The following TBC1D32 variants were observed in gnomAD, a reference collection of about 807,000 sequenced individuals.
The protein encoded by TBC1D32 is protein broad-minded.
In TBC1D32, 151 loss-of-function variants were observed where a neutral mutation model predicts 170.3. That is an observed-to-expected ratio of 0.89 (90% confidence interval 0.78 to 1.01). TBC1D32 has a LOEUF of 1.01. Ranked by LOEUF, TBC1D32 falls within the 50% of genes least tolerant of loss-of-function variation. The probability of loss-of-function intolerance (pLI) is 0.00; values close to 1 mark genes in which losing one functional copy is unlikely to be tolerated. For synonymous variants in TBC1D32, 498 were observed against 488.0 expected (o/e 1.02, Z -0.27); for missense variants, 1,464 against 1,457.1 (o/e 1.00, Z -0.08).
intron 15 of TBC1D32, among the ~76,000 whole-genome samples, chr6:121,258,896 T>C (rs992849807): frequency 2.0e-4 from 30 of 152,142 alleles, no homozygotes; most frequent in African/African-American, 7.0e-4. Flanking sequence ...TACTTTTAAC[T>C]GGACCATGAA....
At chr6:121,272,337 A>T (rs1801569190) in intron 15 of TBC1D32, among the ~76,000 whole-genome samples, 1 of 152,192 alleles carries the variant, frequency 6.6e-6, no homozygotes, top group South Asian at 2.1e-4. Context: ...AGAAAGGGAG[A>T]AACTTTTTAC....
At chr6:121,317,247 T>A (rs1809062031) in intron 3 of TBC1D32, among the ~76,000 whole-genome samples, 1 of 152,148 alleles carries the variant, frequency 6.6e-6, no homozygotes, top group African/African-American at 2.4e-5. Context: ...TTATTTTTTT[T>A]AATTCTAACA....
intron 21 of TBC1D32, among the ~76,000 whole-genome samples, chr6:121,209,306 T>C (rs899308471): frequency 1.3e-5 from 2 of 152,178 alleles, no homozygotes; most frequent in Admixed American, 6.5e-5. Context: ...TCCTGCCTTA[T>C]TGATTAGTGT....
intron 31 of TBC1D32, among the ~76,000 whole-genome samples, chr6:121,087,927 T>A (rs1235117678): frequency 6.6e-6 from 1 of 151,266 alleles, no homozygotes; most frequent in Non-Finnish European, 1.5e-5. Context: ...TTATTATGGC[T>A]GTGGTATGCA....
chr6:121,303,249 A>G (rs1806747379), intron 9 of TBC1D32, among the ~76,000 whole-genome samples: 1 of 152,222 alleles, frequency 6.6e-6, no homozygotes, highest in Non-Finnish European at 1.5e-5. Context: ...AAAAAAATAC[A>G]TATTGAATCC....
intron 21 of TBC1D32, among the ~76,000 whole-genome samples, chr6:121,215,124 G>C (rs1389310254): frequency 6.6e-6 from 1 of 152,226 alleles, no homozygotes; most frequent in Non-Finnish European, 1.5e-5. Flanking sequence ...GTCTGGCTGA[G>C]TCTGGGGCTT....
chr6:121,331,995 T>C (rs1402109201), intron 1 of TBC1D32, among the ~76,000 whole-genome samples: 2 of 152,190 alleles, frequency 1.3e-5, no homozygotes, highest in Non-Finnish European at 2.9e-5. Context: ...GATTGTTTTT[T>C]AGGAGGCCAC....
At chr6:121,232,587 T>C (rs1795883545) in intron 20 of TBC1D32, among the ~76,000 whole-genome samples, 1 of 152,194 alleles carries the variant, frequency 6.6e-6, no homozygotes, top group Non-Finnish European at 1.5e-5. Flanking sequence ...TTGTGTTGTC[T>C]GATTTCTTTC....
intron 26 of TBC1D32, among the ~76,000 whole-genome samples, chr6:121,121,199 T>C (rs1780225511): frequency 6.6e-6 from 1 of 151,954 alleles, no homozygotes; most frequent in Non-Finnish European, 1.5e-5. Flanking sequence ...TGCTTAGGAA[T>C]AAGAGAGGTT....
chr6:121,301,801 T>C (rs1179956565), intron 9 of TBC1D32, among the ~76,000 whole-genome samples: 1 of 152,126 alleles, frequency 6.6e-6, no homozygotes, highest in African/African-American at 2.4e-5. Context: ...TTCCTTTTTT[T>C]GCTTTTTAAA....
intron 24 of TBC1D32, among the ~76,000 whole-genome samples, chr6:121,136,734 T>C (rs751991717): frequency 1.2e-4 from 19 of 152,206 alleles, no homozygotes; most frequent in Non-Finnish European, 2.4e-4. Flanking sequence ...TGGCGATCTG[T>C]GTATGAATAT....
intron 22 of TBC1D32, among the ~76,000 whole-genome samples, chr6:121,183,050 G>GTA (rs1483784088): frequency 1.3e-5 from 2 of 151,840 alleles, no homozygotes; most frequent in Non-Finnish European, 2.9e-5. Flanking sequence ...GTGTGTGTGT[G>GTA]TTTGTGAGTG....
At chr6:121,091,582 A>C (rs982851725) in intron 30 of TBC1D32, among the ~76,000 whole-genome samples, 3 of 152,210 alleles carry the variant, frequency 2.0e-5, no homozygotes, top group Non-Finnish European at 4.4e-5. Context: ...ACTTTTACAA[A>C]AGGAATTTTT....
intron 20 of TBC1D32, among the ~76,000 whole-genome samples, chr6:121,231,302 G>A (rs118000266): frequency 0.024 from 3,674 of 152,098 alleles, 166 homozygotes; most frequent in East Asian, 0.12. Flanking sequence ...TACATATACC[G>A]TATTTTCTTT....
intron 30 of TBC1D32, among the ~76,000 whole-genome samples, chr6:121,096,862 G>T (rs1477697674): frequency 2.0e-5 from 3 of 152,154 alleles, no homozygotes; most frequent in Admixed American, 2.0e-4. Flanking sequence ...TAGACCAATT[G>T]AACAGAACAG....
Position 121,113,180 on chromosome 6 carries a change from A to G in TBC1D32, c.3054-3T>C. ...AGAGACTGAGGAATTTGCCATACCT[A>G]TATTAAAAGCCCACAAAACATAAAA... On this transcript the variant is annotated splice_polypyrimidine_tract_variant and splice_region_variant and intron_variant, in intron 27 of 31. Coordinates refer to ENST00000398212, the MANE Select transcript of TBC1D32 (RefSeq NM_152730.6). The G allele has an allele frequency of 1.3e-6, 2 of 1,579,866 alleles. No individual in the cohort carries two copies. The highest frequency in any genetic ancestry group is 8.6e-7 in the Non-Finnish European group (1 of 1,163,036).
chr6:121,313,961 T>C (rs561126215), intron 3 of TBC1D32, among the ~76,000 whole-genome samples: 14 of 151,938 alleles, frequency 9.2e-5, no homozygotes, highest in Non-Finnish European at 1.9e-4. Context: ...ACTAATAGCA[T>C]AAAATAAATT....
chr6:121,308,686 C>CTTTTTTG (rs1807710200), intron 4 of TBC1D32, among the ~76,000 whole-genome samples: 1 of 112,572 alleles, frequency 8.9e-6, no homozygotes, highest in Admixed American at 9.6e-5. Context: ...AAGCTTACTT[C>CTTTTTTG]TTTTTTTTTT....
At chr6:121,143,053 AT>A (rs1437468202) in intron 24 of TBC1D32, among the ~76,000 whole-genome samples, 1 of 151,722 alleles carries the variant, frequency 6.6e-6, no homozygotes, top group Non-Finnish European at 1.5e-5. Flanking sequence ...ACTAGTGCTT[AT>A]ATTATAGTAC....
Sources: gnomAD v4.1 joint callset for allele counts (sites outside exome capture counted in the v4.1 genomes callset) on GRCh38, gnomAD v4.1.1 for gene constraint, MANE v1.5 for transcripts, NCBI Gene and HGNC (gene_info 2026-07-23, HGNC 2026-07-21) for gene names.